Variants in ABHD17B observed in about 807,000 individuals in gnomAD.
ABHD17B encodes the protein alpha/beta hydrolase domain-containing protein 17B.
Under a neutral mutation model 26.2 loss-of-function variants are expected in ABHD17B, and 9 were observed. That is an observed-to-expected ratio of 0.34 (90% CI 0.21 to 0.60). The LOEUF is 0.60. Among genes scored for constraint, ABHD17B ranks in the 20% least tolerant of loss-of-function variants. The probability of loss-of-function intolerance (pLI) is 0.80; values close to 1 mark genes in which losing one functional copy is unlikely to be tolerated. For missense variants in ABHD17B, 224 were observed against 352.1 expected, an observed-to-expected ratio of 0.64 and a Z score of 2.91; for synonymous variants, 127 against 122.3, an observed-to-expected ratio of 1.04 and a Z score of -0.25.
chr9:71,896,390 G>C (rs554771879), intron 1 of ABHD17B, among the ~76,000 whole-genome samples: 1 of 152,154 alleles, frequency 6.6e-6, no homozygotes, highest in African/African-American at 2.4e-5. Context: ...GTCTACATAC[G>C]GGCATTAAGG....
chr9:71,870,143 G>C lies in ABHD17B; in HGVS notation c.587C>G (p.Ser196Trp). The C allele has an allele frequency of 6.2e-7, 1 of 1,613,988 alleles. No homozygotes were observed. The highest frequency in any genetic ancestry group is 8.5e-7 in the Non-Finnish European group (1 of 1,179,956). Residue 196 changes from serine (S) to tryptophan (W), a missense_variant, in exon 3 of 4, where the codon TCG becomes TGG. By Grantham distance (177) the Ser-to-Trp change is radical. Transcript: ENST00000333421. ...AAVILHSPLT[S>W]GMRVAFPDTK... ...ATCAGGAAAGGCAACTCGCATTCCC[G>C]AAGTCAGAGGAGAATGAAGAATAAC...
intron 1 of ABHD17B, among the ~76,000 whole-genome samples, chr9:71,876,846 G>T (rs1826293478): frequency 6.6e-6 from 1 of 152,114 alleles, no homozygotes; most frequent in Admixed American, 6.5e-5. Context: ...TAACATAAAA[G>T]ACTTCAAAAG....
chr9:71,864,519 C>T (rs145624631), downstream of ABHD17B, among the ~76,000 whole-genome samples: 93 of 152,122 alleles, frequency 6.1e-4, 1 homozygote, highest in Non-Finnish European at 1.0e-3. Context: ...GCCCCTGGCC[C>T]AGTCTTCATA....
At chr9:71,887,415 A>T (rs1485787716) in intron 1 of ABHD17B, among the ~76,000 whole-genome samples, 1 of 152,218 alleles carries the variant, frequency 6.6e-6, no homozygotes, top group South Asian at 2.1e-4. Context: ...TTTGGGTCAG[A>T]AGTCCTATTT....
chr9:71,880,948 T>C (rs1382190879), intron 1 of ABHD17B, among the ~76,000 whole-genome samples: 2 of 151,640 alleles, frequency 1.3e-5, no homozygotes, highest in East Asian at 1.9e-4. Context: ...AATAAAAAAA[T>C]AAAACTAAGA....
At chr9:71,901,589 C>T (rs1827143395) in intron 1 of ABHD17B, among the ~76,000 whole-genome samples, 2 of 151,934 alleles carry the variant, frequency 1.3e-5, no homozygotes, top group South Asian at 4.2e-4. Flanking sequence ...CTTTAACTAC[C>T]CTTTATACTA....
chr9:71,876,411 G>A (rs1826278034), intron 1 of ABHD17B, among the ~76,000 whole-genome samples: 1 of 152,104 alleles, frequency 6.6e-6, no homozygotes, highest in African/African-American at 2.4e-5. Flanking sequence ...GGTGAGTGAT[G>A]GCCATATCAT....
intron 1 of ABHD17B, among the ~76,000 whole-genome samples, chr9:71,894,904 A>G (rs571410817): frequency 6.6e-6 from 1 of 152,338 alleles, no homozygotes; most frequent in East Asian, 1.9e-4. Flanking sequence ...CTATAAGGTC[A>G]TGTTTGTCCT....
In ABHD17B at chr9:71,866,079, T is replaced by C. The variant is rs1484230128; in HGVS notation, c.*708A>G. On this transcript the variant is annotated 3_prime_UTR_variant, in exon 4 of 4. Coordinates refer to ENST00000333421, the MANE Select transcript of ABHD17B (RefSeq NM_001025780.3). Reference sequence around the variant, plus strand: ...TAACCAGCATGAAAATTTTAAGTACTTGCCTCACAGTACCAAACTTAGAAG... The same window carrying C: ...TAACCAGCATGAAAATTTTAAGTACCTGCCTCACAGTACCAAACTTAGAAG... 1 of 985,566 alleles carries C rather than the reference T, an allele frequency of 1.0e-6. No individual in the cohort carries two copies. The highest frequency in any genetic ancestry group is 1.2e-6 in the Non-Finnish European group (1 of 829,896). 61.1% of individuals were successfully genotyped at this position (985,566 alleles called of 1,614,324 possible).
At chr9:71,888,906 C>T (rs964182007) in intron 1 of ABHD17B, among the ~76,000 whole-genome samples, 2 of 151,626 alleles carry the variant, frequency 1.3e-5, no homozygotes, top group East Asian at 1.9e-4. Context: ...AAAACGTAAA[C>T]GGTGATAATA....
At chr9:71,887,569 C>T (rs1261768565) in intron 1 of ABHD17B, among the ~76,000 whole-genome samples, 1 of 152,138 alleles carries the variant, frequency 6.6e-6, no homozygotes, top group Non-Finnish European at 1.5e-5. Flanking sequence ...TCTTCAATCC[C>T]ACCAGCCACT....
chr9:71,886,353 C>T (rs892116340), intron 1 of ABHD17B, among the ~76,000 whole-genome samples: 14 of 150,586 alleles, frequency 9.3e-5, no homozygotes, highest in African/African-American at 2.2e-4. Flanking sequence ...TTTGGGAGGC[C>T]GAGTCAGGAG....
intron 1 of ABHD17B, among the ~76,000 whole-genome samples, chr9:71,883,398 T>C (rs772420545): frequency 2.0e-5 from 3 of 152,100 alleles, no homozygotes; most frequent in Non-Finnish European, 2.9e-5. Context: ...TAAACCCCTA[T>C]GTGAATGGGA....
At chr9:71,891,191 TAA>T (rs902251752) in intron 1 of ABHD17B, among the ~76,000 whole-genome samples, 1 of 152,214 alleles carries the variant, frequency 6.6e-6, no homozygotes, top group Non-Finnish European at 1.5e-5. Flanking sequence ...TACCAAGTAA[TAA>T]AAGTGTCTAC....
rs1325701313 is a variant in ABHD17B at position 71,866,864 on chromosome 9, G to T, written c.790C>A (p.His264Asn). Residue 264 changes from histidine to asparagine, a missense_variant, in exon 4 of 4, where the codon CAC (histidine) becomes AAC (asparagine). By Grantham distance (68) the His-to-Asn change is moderately conservative. Coordinates refer to ENST00000333421, the MANE Select transcript of ABHD17B (RefSeq NM_001025780.3). ...VEPLWVEGAG[H>N]NDVELYGQYL... is the part of the protein sequence containing the mutation. ...TGTCCATAAAGTTCCACATCATTGT[G>T]ACCTGCTCCTTCAACCCAGAGAGGC... is the stretch of plus-strand genomic sequence containing the variant. 1 of 1,614,140 alleles carries T rather than the reference G, an allele frequency of 6.2e-7. No homozygotes were observed. The highest frequency in any genetic ancestry group is 8.5e-7 in the Non-Finnish European group (1 of 1,180,018).
At chr9:71,900,638 T>G (rs1416612101) in intron 1 of ABHD17B, among the ~76,000 whole-genome samples, 1 of 109,996 alleles carries the variant, frequency 9.1e-6, no homozygotes. Flanking sequence ...GGCGACAGAG[T>G]GAGACTCCAT....
intron 3 of ABHD17B, among the ~76,000 whole-genome samples, chr9:71,868,229 AG>A (rs1826013762): frequency 1.3e-5 from 2 of 149,992 alleles, no homozygotes; most frequent in African/African-American, 5.0e-5. Context: ...AGAAAAAAAA[AG>A]AAAGAAAGAA....
Position 71,865,479 on chromosome 9 carries a change from T to C in ABHD17B, c.*1308A>G, listed in dbSNP as rs1825931366. The C allele has an allele frequency of 3.1e-6, 3 of 983,574 alleles. No individual in the cohort carries two copies. Among genetic ancestry groups the C allele is most frequent in the Non-Finnish European group, 3.6e-6 (3 of 828,320 alleles). The allele number at this position is 983,574 out of a possible 1,614,324, so 60.9% of individuals were successfully genotyped here. ...TTACTATATTGGTTAATATAAAAGT[T>C]ATGAATTAAACGTATTCTTATCTCC... On this transcript the variant is annotated 3_prime_UTR_variant, in exon 4 of 4. Transcript: ENST00000333421.
In ABHD17B at chr9:71,870,295, A is replaced by G. The variant is rs749384294; in HGVS notation, c.468-33T>C. On this transcript the variant is annotated intron_variant, in intron 2 of 3. Coordinates refer to ENST00000333421, the MANE Select transcript of ABHD17B (RefSeq NM_001025780.3). ...GTTCAGGCGTTAAAAACAAAAACCA[A>G]AAAAGTTGGAGTGATATGAAATGTT... 4.6e-6 allele frequency: 7 copies of G among 1,536,324 alleles called. No individual in the cohort carries two copies. In the South Asian group the frequency reaches 8.9e-5, roughly 20 times the overall value.
Sources: allele counts gnomAD v4.1 joint callset (sites outside exome capture counted in the v4.1 genomes callset), GRCh38; gene constraint gnomAD v4.1.1; transcripts MANE v1.5; gene names NCBI Gene and HGNC (gene_info 2026-07-23, HGNC 2026-07-21).